Variants in TMTC2 observed in about 807,000 individuals in gnomAD.
The protein encoded by TMTC2 is transmembrane O-mannosyltransferase targeting cadherins 2.
In TMTC2, 43 loss-of-function variants were observed where a neutral mutation model predicts 82.4. The observed-to-expected ratio is 0.52, with a 90% CI of 0.41 to 0.67. The LOEUF is 0.67. Ranked by LOEUF, TMTC2 falls within the 30% of genes least tolerant of loss-of-function variation. The pLI is 0.00. For missense variants in TMTC2, 919 were observed against 1,012.4 expected (o/e 0.91, Z 1.25); for synonymous variants, 408 against 381.9 (o/e 1.07, Z -0.80).
At chr12:82,749,739 C>CTTTCTTT (rs575985124) in intron 1 of TMTC2, among the ~76,000 whole-genome samples, 13 of 127,138 alleles carry the variant, frequency 1.0e-4, no homozygotes, top group African/African-American at 4.0e-4. Flanking sequence ...TTCTTTCTTT[C>CTTTCTTT]TTTTTTTTTT....
At chr12:82,735,380 C>T (rs1254186274) in intron 1 of TMTC2, among the ~76,000 whole-genome samples, 4 of 146,930 alleles carry the variant, frequency 2.7e-5, no homozygotes, top group Non-Finnish European at 5.9e-5. Flanking sequence ...GAGTCTTACT[C>T]CGTCGCCCAG....
At chr12:82,823,713 A>G (rs1306869098) in intron 1 of TMTC2, among the ~76,000 whole-genome samples, 1 of 151,978 alleles carries the variant, frequency 6.6e-6, no homozygotes, top group East Asian at 1.9e-4. Context: ...TTACAGAAAA[A>G]CCCCAGGTAA....
chr12:82,780,097 GTCTTT>G (rs564350351), intron 1 of TMTC2, among the ~76,000 whole-genome samples: 4 of 152,206 alleles, frequency 2.6e-5, no homozygotes, highest in African/African-American at 9.6e-5. Flanking sequence ...TCTGTTCTCA[GTCTTT>G]TCTATTTGCC....
chr12:82,840,301 A>G (rs543190661), intron 1 of TMTC2, among the ~76,000 whole-genome samples: 19 of 152,312 alleles, frequency 1.2e-4, no homozygotes, highest in East Asian at 3.9e-4. Context: ...GGCAAACTCT[A>G]AAGTGTGTGT....
intron 11 of TMTC2, among the ~76,000 whole-genome samples, chr12:83,092,452 A>G (rs1162924508): frequency 6.6e-6 from 1 of 152,194 alleles, no homozygotes; most frequent in Non-Finnish European, 1.5e-5. Flanking sequence ...CATTCAGGTC[A>G]CGTTTCATTG....
At chr12:82,928,155 G>GTT (rs144630871) in intron 3 of TMTC2, among the ~76,000 whole-genome samples, 4 of 148,864 alleles carry the variant, frequency 2.7e-5, no homozygotes, top group Non-Finnish European at 6.0e-5. Context: ...TTTGCTATTA[G>GTT]TTTTTTTTTT....
intron 4 of TMTC2, among the ~76,000 whole-genome samples, chr12:82,963,667 A>G (rs1357638506): frequency 6.7e-6 from 1 of 150,182 alleles, no homozygotes; most frequent in Non-Finnish European, 1.5e-5. Context: ...AATAAAACTG[A>G]CCATTTCCAC....
intron 8 of TMTC2, among the ~76,000 whole-genome samples, chr12:82,986,996 A>T (rs958873973): frequency 6.6e-6 from 1 of 152,216 alleles, no homozygotes; most frequent in East Asian, 1.9e-4. Flanking sequence ...AATGAATATT[A>T]GAAAAACATA....
chr12:83,020,882 T>C (rs993731256), intron 8 of TMTC2, among the ~76,000 whole-genome samples: 1 of 152,226 alleles, frequency 6.6e-6, no homozygotes, highest in African/African-American at 2.4e-5. Flanking sequence ...GTAATATTCA[T>C]AGAAGTCAAC....
intron 3 of TMTC2, among the ~76,000 whole-genome samples, chr12:82,922,314 T>C (rs761804837): frequency 1.3e-5 from 2 of 152,192 alleles, no homozygotes; most frequent in Non-Finnish European, 2.9e-5. Context: ...AAAGAATAAG[T>C]ACCAAAGTGA....
At chr12:82,865,201 G>A (rs561854585) in intron 2 of TMTC2, among the ~76,000 whole-genome samples, 1 of 152,222 alleles carries the variant, frequency 6.6e-6, no homozygotes, top group South Asian at 2.1e-4. Flanking sequence ...ACTCCAGTCT[G>A]GACAACAAGA....
At chr12:83,054,558 A>G (rs1592718985) in intron 10 of TMTC2, among the ~76,000 whole-genome samples, 1 of 151,450 alleles carries the variant, frequency 6.6e-6, no homozygotes, top group Non-Finnish European at 1.5e-5. Flanking sequence ...ATAGTTCCAC[A>G]TACTATATAT....
chr12:82,938,756 G>A (rs564141884), intron 4 of TMTC2, among the ~76,000 whole-genome samples: 1 of 152,044 alleles, frequency 6.6e-6, no homozygotes, highest in African/African-American at 2.4e-5. Context: ...GTCTTAATTG[G>A]TAAATATCAA....
chr12:83,125,431 A>G (rs1404424551), intron 11 of TMTC2, among the ~76,000 whole-genome samples: 6 of 152,190 alleles, frequency 3.9e-5, no homozygotes, highest in Non-Finnish European at 8.8e-5. Context: ...TATTTTGTAC[A>G]AATGTTAAGA....
chr12:82,764,469 T>A (rs1876834515), intron 1 of TMTC2, among the ~76,000 whole-genome samples: 1 of 152,126 alleles, frequency 6.6e-6, no homozygotes, highest in East Asian at 1.9e-4. Flanking sequence ...GGCTTTCTGT[T>A]AAAGTCAGCA....
At chr12:82,699,591 T>G (rs1164185207) in intron 1 of TMTC2, among the ~76,000 whole-genome samples, 1 of 152,216 alleles carries the variant, frequency 6.6e-6, no homozygotes, top group East Asian at 1.9e-4. Context: ...GCTGCAGTTT[T>G]CCTGCACCGA....
intron 7 of TMTC2, among the ~76,000 whole-genome samples, chr12:82,967,856 C>G (rs537959509): frequency 3.0e-4 from 46 of 152,202 alleles, no homozygotes; most frequent in African/African-American, 1.1e-3. Context: ...TTCTAGTCCT[C>G]TCTCATGCAT....
chr12:82,830,872 A>G (rs1869709505), intron 1 of TMTC2, among the ~76,000 whole-genome samples: 1 of 152,162 alleles, frequency 6.6e-6, no homozygotes, highest in Non-Finnish European at 1.5e-5. Context: ...ATGTATACCA[A>G]ACAATACCAT....
At chr12:83,066,921 A>G (rs1168565013) in intron 11 of TMTC2, among the ~76,000 whole-genome samples, 1 of 151,994 alleles carries the variant, frequency 6.6e-6, no homozygotes, top group African/African-American at 2.4e-5. Context: ...GGGCATTCCT[A>G]TCAAGGAAGG....
Sources: gnomAD v4.1 joint callset for allele counts (sites outside exome capture counted in the v4.1 genomes callset) on GRCh38, gnomAD v4.1.1 for gene constraint, MANE v1.5 for transcripts, NCBI Gene and HGNC (gene_info 2026-07-23, HGNC 2026-07-21) for gene names.